VRK3: variants seen among roughly 807,000 people sequenced by gnomAD.
VRK3 encodes the protein VRK serine/threonine kinase 3, also known as serine/threonine-protein kinase VRK3.
In VRK3, 50 loss-of-function variants were observed where a neutral mutation model predicts 60.4. The observed-to-expected ratio is 0.83, with a 90% CI of 0.66 to 1.05. VRK3 has a LOEUF of 1.05. Ranked by LOEUF, VRK3 falls within the 50% of genes least tolerant of loss-of-function variation. The probability of loss-of-function intolerance (pLI) is 0.00; values close to 1 mark genes in which losing one functional copy is unlikely to be tolerated. For missense variants in VRK3, 549 were observed against 585.3 expected (o/e 0.94, Z 0.64); for synonymous variants, 246 against 227.8 (o/e 1.08, Z -0.72).
chr19:50,017,375 G>A (rs1255251348), intron 2 of VRK3, among the ~76,000 whole-genome samples: 1 of 151,766 alleles, frequency 6.6e-6, no homozygotes. Flanking sequence ...AGGAGTCCAA[G>A]ACCAACCTGA....
chr19:50,003,007 T>C (rs1271089928), intron 5 of VRK3, among the ~76,000 whole-genome samples: 5 of 152,074 alleles, frequency 3.3e-5, no homozygotes, highest in South Asian at 4.1e-4. Context: ...CCGGCATCAC[T>C]CTACTCATTT....
intron 3 of VRK3, among the ~76,000 whole-genome samples, chr19:50,011,080 A>T (rs1374245031): frequency 6.6e-6 from 1 of 152,186 alleles, no homozygotes; most frequent in Non-Finnish European, 1.5e-5. Context: ...CCCAGATTTG[A>T]GAGGAAATTT....
intron 3 of VRK3, among the ~76,000 whole-genome samples, chr19:50,010,048 T>TTA (rs767619218): frequency 2.3e-4 from 34 of 148,344 alleles, no homozygotes; most frequent in Non-Finnish European, 2.8e-4. Flanking sequence ...AATAATTATT[T>TTA]TATATATATA....
At position 50,007,812 on chromosome 19, in the gene VRK3, G is replaced by T. The variant is rs2076923992; in HGVS notation, c.304C>A (p.Pro102Thr). 2 of 1,614,100 alleles carry T rather than the reference G, an allele frequency of 1.2e-6. No homozygotes were observed. The highest frequency in any genetic ancestry group is 1.7e-6 in the Non-Finnish European group (2 of 1,180,042). The stretch of plus-strand genomic sequence containing the variant: ...TGAGGGCTGCTTTTGGGGGTTGGGG[G>T]TCTGCTCCCGGAGCCTGCAGGAGGA... ...SERSKGSGSRPPTPKSSPQKT... is the reference protein window; with the variant it reads ...SERSKGSGSRTPTPKSSPQKT... Residue 102 changes from proline to threonine, a missense_variant, in exon 5 of 15, where the codon CCC becomes ACC. Transcript: ENST00000316763.
chr19:50,009,146 C>A, intron 4 of VRK3, 90 bp downstream of exon 4: 1 of 1,453,084 alleles, frequency 6.9e-7, no homozygotes, highest in East Asian at 2.3e-5. Flanking sequence ...GATGTTTGAG[C>A]CGGGGCTGTG....
intron 3 of VRK3, among the ~76,000 whole-genome samples, chr19:50,010,296 T>G (rs576825076): frequency 6.6e-6 from 1 of 152,224 alleles, no homozygotes; most frequent in South Asian, 2.1e-4. Flanking sequence ...CATTCTCATC[T>G]ATTAATTCTA....
intron 12 of VRK3, chr19:49,988,089 T>C: frequency 3.7e-6 from 1 of 272,762 alleles, no homozygotes; most frequent in Non-Finnish European, 7.3e-6. Flanking sequence ...CATAAGGTAG[T>C]AGCTAGTAGG....
intron 12 of VRK3, 40 bp downstream of exon 12, chr19:49,988,310 TCTGTCCACCTGCAGGGGTTCTG>T: frequency 6.4e-7 from 1 of 1,570,338 alleles, no homozygotes. Context: ...GCTCTGGGCT[TCTGTCCACCTGCAGGGGTTCTG>T]CTGACCACCT....
intron 1 of VRK3, among the ~76,000 whole-genome samples, chr19:50,023,116 C>T (rs2077197515): frequency 6.6e-6 from 1 of 152,248 alleles, no homozygotes. Flanking sequence ...ACTTCCTCAT[C>T]ACATTCTTTA....
Position 50,007,549 on chromosome 19 carries a change from C to T in VRK3, c.547+20G>A, listed in dbSNP as rs753358595. ...GTGCTGAGACGACCCAGTCCCTGGC[C>T]GCCCATGGACAGAGTGTACCTTCAT... On this transcript the variant is annotated intron_variant, in intron 5 of 14. Transcript: ENST00000316763. 2.7e-5 allele frequency: 43 copies of T among 1,610,980 alleles called. No homozygotes were observed. Among genetic ancestry groups the T allele is most frequent in the Admixed American group, 2.7e-4 (16 of 59,956 alleles).
intron 1 of VRK3, among the ~76,000 whole-genome samples, chr19:50,024,262 T>C (rs890990902): frequency 5.3e-5 from 8 of 152,144 alleles, no homozygotes; most frequent in African/African-American, 1.9e-4. Flanking sequence ...TTAGAACCTA[T>C]TACATATTAC....
At chr19:49,982,537 T>C (rs2076441219) in intron 12 of VRK3, among the ~76,000 whole-genome samples, 1 of 151,910 alleles carries the variant, frequency 6.6e-6, no homozygotes, top group African/African-American at 2.4e-5. Flanking sequence ...CCAGCGTATA[T>C]AGTGTGGAGG....
At chr19:49,981,438 G>A (rs2076420397) in intron 12 of VRK3, among the ~76,000 whole-genome samples, 5 of 152,114 alleles carry the variant, frequency 3.3e-5, no homozygotes, top group African/African-American at 9.7e-5. Flanking sequence ...CCAGCTACTC[G>A]GGAGGCTGAG....
At chr19:50,017,885 T>A (rs2077103701) in intron 2 of VRK3, among the ~76,000 whole-genome samples, 1 of 152,170 alleles carries the variant, frequency 6.6e-6, no homozygotes, top group South Asian at 2.1e-4. Flanking sequence ...GGTCTGGAAC[T>A]CCTGGCCTCC....
chr19:50,009,294 G>A lies in VRK3; in HGVS notation c.231C>T (p.Phe77=). The A allele has an allele frequency of 6.2e-7, 1 of 1,614,200 alleles. No homozygotes were observed. The highest frequency in any genetic ancestry group is 8.5e-7 in the Non-Finnish European group (1 of 1,180,022). Reference sequence around the variant, plus strand: ...CAGACTCAGAACTGTCACCATCTGAGAAGAGGGATAATCGGGGAGAGGTGA... The same window carrying A: ...CAGACTCAGAACTGTCACCATCTGAAAAGAGGGATAATCGGGGAGAGGTGA... ...STVTSPRLSL[F]SDGDSSESED... Residue 77 remains phenylalanine, a synonymous_variant, in exon 4 of 15, where the codon TTC becomes TTT. Coordinates refer to ENST00000316763, the MANE Select transcript of VRK3 (RefSeq NM_016440.4).
At chr19:50,011,363 G>A (rs990135873) in intron 3 of VRK3, among the ~76,000 whole-genome samples, 6 of 152,138 alleles carry the variant, frequency 3.9e-5, no homozygotes, top group Admixed American at 2.6e-4. Flanking sequence ...ATTATCATCT[G>A]GTCTGCCATA....
At position 49,989,469 on chromosome 19, in the gene VRK3, C is replaced by T. The variant is rs909495008; in HGVS notation, c.1096+170G>A. 2.6e-5 allele frequency among the ~76,000 whole-genome samples: 4 copies of T among 152,222 alleles called. No individual in the cohort carries two copies. In the South Asian group the frequency reaches 8.3e-4, roughly 31 times the overall value. On this transcript the variant is annotated intron_variant, in intron 11 of 14. Transcript: ENST00000316763. ...CTATGCTTAGTGCTGAACCGCTACCCCACCCACCTCCCTTGCGGTCGGGAC... is the reference window on the plus strand; with the variant it reads ...CTATGCTTAGTGCTGAACCGCTACCTCACCCACCTCCCTTGCGGTCGGGAC...
chr19:50,003,769 T>C (rs540026997), intron 5 of VRK3, among the ~76,000 whole-genome samples: 3 of 152,392 alleles, frequency 2.0e-5, no homozygotes, highest in Non-Finnish European at 4.4e-5. Flanking sequence ...GGCGATTTGC[T>C]CTGGGGCGAT....
chr19:50,016,774 A>G (rs2077085425), intron 2 of VRK3, among the ~76,000 whole-genome samples: 1 of 152,224 alleles, frequency 6.6e-6, no homozygotes, highest in Non-Finnish European at 1.5e-5. Context: ...GACTATGACA[A>G]ATGAGGATAT....
Sources: allele counts gnomAD v4.1 joint callset (sites outside exome capture counted in the v4.1 genomes callset), GRCh38; gene constraint gnomAD v4.1.1; transcripts MANE v1.5; gene names NCBI Gene and HGNC (gene_info 2026-07-23, HGNC 2026-07-21).